The following RASAL2 variants were observed in gnomAD, a reference collection of about 807,000 sequenced individuals.
RASAL2 encodes ras GTPase-activating protein nGAP.
RASAL2 carries 58 observed loss-of-function variants against 128.9 expected under a neutral mutation model. That is an observed-to-expected ratio of 0.45 (90% confidence interval 0.36 to 0.56). The LOEUF is 0.56. Among genes scored for constraint, RASAL2 ranks in the 20% least tolerant of loss-of-function variants. RASAL2 has a pLI of 0.00. For synonymous variants in RASAL2, 561 were observed against 580.8 expected (o/e 0.97, Z 0.49); for missense variants, 1,360 against 1,601.6 (o/e 0.85, Z 2.57).
At chr1:178,471,929 T>C (rs1648310077) in intron 17 of RASAL2, among the ~76,000 whole-genome samples, 1 of 152,196 alleles carries the variant, frequency 6.6e-6, no homozygotes, top group South Asian at 2.1e-4. Context: ...TTACCATGCT[T>C]TTCTCAGGGT....
chr1:178,451,619 A>G lies in RASAL2; in HGVS notation c.1676A>G (p.Asp559Gly). 6.2e-7 allele frequency: 1 copy of G among 1,613,866 alleles called. No individual in the cohort carries two copies. ...GAGTCCGATGAGAACTGTGAAGTGGATCCCAGCAAATGTTCATCTAGTGAA... is the reference window on the plus strand; with the variant it reads ...GAGTCCGATGAGAACTGTGAAGTGGGTCCCAGCAAATGTTCATCTAGTGAA... ...LYESDENCEV[D>G]PSKCSSSELI... Residue 559 changes from aspartate to glycine, a missense_variant, in exon 10 of 18, where the codon GAT (aspartate) becomes GGT (glycine). Coordinates refer to ENST00000367649, the MANE Select transcript of RASAL2 (RefSeq NM_170692.4).
intron 5 of RASAL2, 43 bp downstream of exon 5, chr1:178,420,663 G>T: frequency 7.0e-7 from 1 of 1,422,662 alleles, no homozygotes. Flanking sequence ...CAGTTTGAGA[G>T]TGAATTTTGT....
At chr1:178,404,684 ATTTTTT>A (rs61625303) in intron 4 of RASAL2, among the ~76,000 whole-genome samples, 2 of 110,346 alleles carry the variant, frequency 1.8e-5, no homozygotes, top group Admixed American at 1.9e-4. Flanking sequence ...TGGCCCCCCA[ATTTTTT>A]TTTTTTTTTT....
rs972349696 is a variant in RASAL2, at chr1:178,458,370, A to G, written c.3078A>G (p.Pro1026=). 6.8e-6 allele frequency: 11 copies of G among 1,614,158 alleles called. No homozygotes were observed. The highest frequency in any genetic ancestry group is 9.3e-6 in the Non-Finnish European group (11 of 1,180,026). ...QGGLGARAKA[P]PSLPHSASLR... is the part of the protein sequence containing the mutation. ...GGTTAGGTGCCCGAGCCAAAGCCCC[A>G]CCATCCCTGCCACACAGTGCTTCTT... is the stretch of plus-strand genomic sequence containing the variant. The change falls in exon 14 of 18, where the codon CCA becomes CCG. Residue 1026 remains proline, a synonymous_variant. Transcript: ENST00000367649.
intron 1 of RASAL2, among the ~76,000 whole-genome samples, chr1:178,136,756 CAAAAAAAAAAAA>C (rs397982072): frequency 2.5e-4 from 12 of 47,202 alleles, no homozygotes; most frequent in African/African-American, 1.0e-3. Context: ...GACTCTGTCT[CAAAAAAAAAAAA>C]AAAAAAAAAA....
At chr1:178,318,061 A>G (rs1264416216) in intron 3 of RASAL2, among the ~76,000 whole-genome samples, 1 of 151,684 alleles carries the variant, frequency 6.6e-6, no homozygotes, top group Non-Finnish European at 1.5e-5. Flanking sequence ...CCCAGTAGTC[A>G]TTCAGGAGCA....
At chr1:178,391,494 T>C (rs1294148129) in intron 4 of RASAL2, among the ~76,000 whole-genome samples, 1 of 152,218 alleles carries the variant, frequency 6.6e-6, no homozygotes, top group East Asian at 1.9e-4. Flanking sequence ...AAATGAGTAC[T>C]TGGATATCTG....
chr1:178,362,931 C>T (rs1378634348), intron 3 of RASAL2, among the ~76,000 whole-genome samples: 1 of 152,056 alleles, frequency 6.6e-6, no homozygotes, highest in African/African-American at 2.4e-5. Flanking sequence ...CAGTTGCTTC[C>T]ATAACTTGTA....
intron 14 of RASAL2, among the ~76,000 whole-genome samples, chr1:178,459,380 A>G (rs1371293600): frequency 6.6e-6 from 1 of 151,866 alleles, no homozygotes; most frequent in African/African-American, 2.4e-5. Context: ...ATATCTTTAT[A>G]TATCTTTCAT....
At chr1:178,464,470 G>T in intron 15 of RASAL2, 58 bp downstream of exon 15, 1 of 1,588,880 alleles carries the variant, frequency 6.3e-7, no homozygotes, top group Non-Finnish European at 8.6e-7. Context: ...CCACTAAAAA[G>T]GTTATCTAGC....
chr1:178,312,039 T>TAAGG (rs1287166035), intron 3 of RASAL2, among the ~76,000 whole-genome samples: 2 of 151,282 alleles, frequency 1.3e-5, no homozygotes, highest in Non-Finnish European at 2.9e-5. Flanking sequence ...AAAATGGAAT[T>TAAGG]GAGAAAATAG....
intron 16 of RASAL2, among the ~76,000 whole-genome samples, chr1:178,466,934 A>G (rs1352827748): frequency 6.6e-6 from 1 of 152,240 alleles, no homozygotes; most frequent in Non-Finnish European, 1.5e-5. Context: ...CAAGCTAAAC[A>G]TACTAGGTAT....
chr1:178,200,277 G>T (rs1421759279), intron 1 of RASAL2, among the ~76,000 whole-genome samples: 1 of 152,166 alleles, frequency 6.6e-6, no homozygotes. Flanking sequence ...ACCCCAAAAT[G>T]CTAAGGACGC....
At position 178,404,913 on chromosome 1, in the gene RASAL2, A is replaced by G. The variant is rs547501836; in HGVS notation, c.564+14707A>G. 1.5e-4 allele frequency among the ~76,000 whole-genome samples: 23 copies of G among 152,022 alleles called. No homozygotes were observed. In the South Asian group the frequency reaches 3.3e-3, roughly 22 times the overall value. Reference sequence around the variant, plus strand: ...GCCAGGCTGGTTTCATACTCCTAGGATCAATCAATCCTCCTGCCTCGGCCT... The same window carrying G: ...GCCAGGCTGGTTTCATACTCCTAGGGTCAATCAATCCTCCTGCCTCGGCCT... On this transcript the variant is annotated intron_variant, in intron 4 of 17. Coordinates refer to ENST00000367649, the MANE Select transcript of RASAL2 (RefSeq NM_170692.4).
chr1:178,113,270 T>C (rs185963244), intron 1 of RASAL2, among the ~76,000 whole-genome samples: 21 of 152,274 alleles, frequency 1.4e-4, no homozygotes, highest in African/African-American at 4.8e-4. Context: ...AGGTGAGATA[T>C]ACAACCCTGA....
intron 1 of RASAL2, among the ~76,000 whole-genome samples, chr1:178,141,205 T>TTTTTTTTTTTTTTTTTTC (rs1660520286): frequency 1.4e-5 from 2 of 139,980 alleles, no homozygotes; most frequent in Non-Finnish European, 1.5e-5. Flanking sequence ...TTTTTTTTTT[T>TTTTTTTTTTTTTTTTTTC]TTTTTTTTTT....
intron 1 of RASAL2, among the ~76,000 whole-genome samples, chr1:178,229,957 T>C (rs892080114): frequency 7.9e-5 from 12 of 152,230 alleles, no homozygotes; most frequent in African/African-American, 2.9e-4. Context: ...TTCTGGTTAA[T>C]AATAATGCCA....
chr1:178,356,838 A>C (rs908876640), intron 3 of RASAL2, among the ~76,000 whole-genome samples: 3 of 152,144 alleles, frequency 2.0e-5, no homozygotes, highest in African/African-American at 7.2e-5. Flanking sequence ...GTTTTATGCT[A>C]TTCTCTGTGG....
intron 3 of RASAL2, among the ~76,000 whole-genome samples, chr1:178,332,357 T>A (rs2102373467): frequency 6.6e-6 from 1 of 151,798 alleles, no homozygotes; most frequent in East Asian, 2.0e-4. Flanking sequence ...CACAAAAAAA[T>A]TAGCCAGGGG....
Sources: allele counts gnomAD v4.1 joint callset (sites outside exome capture counted in the v4.1 genomes callset), GRCh38; gene constraint gnomAD v4.1.1; transcripts MANE v1.5; gene names NCBI Gene and HGNC (gene_info 2026-07-23, HGNC 2026-07-21).